The following PADI2 variants were observed in gnomAD, a reference collection of about 807,000 sequenced individuals.
PADI2 encodes the protein protein-arginine deiminase type-2.
In PADI2, 70 loss-of-function variants were observed where a neutral mutation model predicts 81.1. The observed-to-expected ratio is 0.86, with a 90% confidence interval of 0.71 to 1.05. The LOEUF is 1.05. Ranked by LOEUF, PADI2 falls within the 50% of genes least tolerant of loss-of-function variation. The probability of loss-of-function intolerance (pLI) is 0.00; values close to 1 mark genes in which losing one functional copy is unlikely to be tolerated. For synonymous variants in PADI2, 338 were observed against 358.0 expected, an observed-to-expected ratio of 0.94 and a Z score of 0.63; for missense variants, 853 against 889.9, an observed-to-expected ratio of 0.96 and a Z score of 0.53.
intron 13 of PADI2, among the ~76,000 whole-genome samples, chr1:17,074,490 C>A (rs1415490887): frequency 2.0e-5 from 3 of 152,188 alleles, no homozygotes; most frequent in Non-Finnish European, 1.5e-5. Context: ...TTTCTTCAGC[C>A]TCCAAAGGTG....
intron 1 of PADI2, among the ~76,000 whole-genome samples, chr1:17,107,001 C>T (rs558116303): frequency 6.6e-6 from 1 of 152,222 alleles, no homozygotes; most frequent in Admixed American, 6.5e-5. Context: ...GCCACCCTGT[C>T]CATGGTGTTT....
At chr1:17,103,500 T>A (rs1330343393) in intron 2 of PADI2, among the ~76,000 whole-genome samples, 3 of 152,170 alleles carry the variant, frequency 2.0e-5, no homozygotes, top group African/African-American at 7.2e-5. Context: ...CCTCACCACT[T>A]AGGCAAATCA....
At chr1:17,099,246 C>T (rs554150996) in intron 3 of PADI2, among the ~76,000 whole-genome samples, 2 of 152,168 alleles carry the variant, frequency 1.3e-5, no homozygotes, top group Non-Finnish European at 2.9e-5. Context: ...CACCCTCCCC[C>T]ACAGCCAATC....
At chr1:17,073,669 A>G (rs1476423990) in intron 13 of PADI2, among the ~76,000 whole-genome samples, 1 of 152,136 alleles carries the variant, frequency 6.6e-6, no homozygotes, top group Non-Finnish European at 1.5e-5. Context: ...TACTATGCTC[A>G]GTACCTGCGT....
chr1:17,084,969 A>C (rs2078374621), intron 7 of PADI2, among the ~76,000 whole-genome samples: 1 of 152,232 alleles, frequency 6.6e-6, no homozygotes. Flanking sequence ...CATGGTTGGT[A>C]AGTGGTAGAG....
rs377536760 is a variant in PADI2, at chr1:17,090,284, G to A, written c.655+2124C>T. On this transcript the variant is annotated intron_variant, in intron 6 of 15. Coordinates refer to ENST00000375486, the MANE Select transcript of PADI2 (RefSeq NM_007365.3). ...ATCCCCACCACGATCCGGGACACCC[G>A]GGACAGTCGGAACTCTTACTACTCC... is the stretch of plus-strand genomic sequence containing the variant. Among the ~76,000 whole-genome samples the A allele has an allele frequency of 1.4e-4, 21 of 152,334 alleles. No homozygotes were observed. In the East Asian group the frequency reaches 3.7e-3, roughly 27 times the overall value.
At chr1:17,103,962 A>C (rs112186764) in intron 2 of PADI2, among the ~76,000 whole-genome samples, 3,559 of 144,074 alleles carry the variant, frequency 0.025, 141 homozygotes, top group African/African-American at 0.083. Context: ...CCAGCCTGGG[A>C]GTCAGAGTGA....
In PADI2 at chr1:17,067,810, G is replaced by A. The variant is rs959077176; in HGVS notation, c.*1234C>T. On this transcript the variant is annotated 3_prime_UTR_variant, in exon 16 of 16. Transcript: ENST00000375486. The stretch of plus-strand genomic sequence containing the variant: ...TAAATTACATTATAACCTTTTCATT[G>A]GTTATAAATCGGTTCTTCAAAATGG... 1.3e-5 allele frequency: 2 copies of A among 152,274 alleles called. No individual in the cohort carries two copies. The highest frequency in any genetic ancestry group is 3.4e-3 in the Middle Eastern group (1 of 294). 9.4% of individuals were successfully genotyped at this position (152,274 alleles called of 1,614,324 possible). A position where few individuals can be genotyped will look rare whatever the true frequency, so the allele number is the denominator to read the frequency against.
Position 17,086,149 on chromosome 1 carries a change from G to A in PADI2, c.834+372C>T, listed in dbSNP as rs74056983. On this transcript the variant is annotated intron_variant, in intron 7 of 15. Transcript: ENST00000375486. Reference sequence around the variant, plus strand: ...GAGTGGGGCAGGAAGTACAGAGCGCGCAGTAGGTGGTCAGCAAACCCCACC... The same window carrying A: ...GAGTGGGGCAGGAAGTACAGAGCGCACAGTAGGTGGTCAGCAAACCCCACC... Among the ~76,000 whole-genome samples the A allele has an allele frequency of 5.1e-3, 783 of 152,328 alleles. 9 individuals carry two copies. The highest frequency in any genetic ancestry group is 0.018 in the African/African-American group (746 of 41,574).
At chr1:17,092,009 A>T (rs970392939) in intron 6 of PADI2, among the ~76,000 whole-genome samples, 6 of 152,142 alleles carry the variant, frequency 3.9e-5, no homozygotes, top group Non-Finnish European at 7.4e-5. Context: ...GCAAGGGGTC[A>T]ACTCTTCAAG....
At chr1:17,095,012 G>A (rs1930861202) in intron 4 of PADI2, among the ~76,000 whole-genome samples, 1 of 152,236 alleles carries the variant, frequency 6.6e-6, no homozygotes, top group Admixed American at 6.5e-5. Flanking sequence ...GTAGCAGGCT[G>A]CTAGGACCCA....
chr1:17,071,333 C>G lies in PADI2; in HGVS notation c.1635+73G>C, dbSNP rs147747127. ...GCCCTTGGCCATTCTCTACGGAAGC[C>G]CCAAGGATGTAAGGGCCTGAGCCTC... On this transcript the variant is annotated intron_variant, in intron 14 of 15. Transcript: ENST00000375486. 4.2e-4 allele frequency: 476 copies of G among 1,143,566 alleles called. No homozygotes were observed. The African/African-American group carries it at 6.4e-3, about 15-fold the overall frequency. The allele number at this position is 1,143,566 out of a possible 1,614,324, so 70.8% of individuals were successfully genotyped here.
chr1:17,105,634 T>G (rs1165073103), intron 1 of PADI2, among the ~76,000 whole-genome samples: 1 of 152,068 alleles, frequency 6.6e-6, no homozygotes, highest in African/African-American at 2.4e-5. Context: ...CCTCAGGTGA[T>G]CCGCCTGCCT....
intron 1 of PADI2, among the ~76,000 whole-genome samples, chr1:17,114,052 C>T (rs547464042): frequency 3.3e-5 from 5 of 152,358 alleles, no homozygotes; most frequent in African/African-American, 9.6e-5. Context: ...CAAGGCATCC[C>T]GTTTGGGGTT....
Position 17,083,804 on chromosome 1 carries a change from C to T in PADI2, c.972G>A (p.Val324=), listed in dbSNP as rs372968923. Residue 324 remains valine, a synonymous_variant, in exon 9 of 16, where the codon GTG becomes GTA. Transcript: ENST00000375486. ...AGTTGGTTTTCTCCACAAGGTTCTT[C>T]ACCTCTTTCAGGAACAGGTAATTAT... ...MKDNYLFLKE[V]KNLVEKTNCE... is the part of the protein sequence containing the mutation. 5 of 1,613,076 alleles carry T rather than the reference C, an allele frequency of 3.1e-6. No homozygotes were observed. In the East Asian group the frequency reaches 1.1e-4, roughly 36 times the overall value.
intron 6 of PADI2, among the ~76,000 whole-genome samples, chr1:17,088,709 C>G (rs1032400305): frequency 3.9e-5 from 6 of 151,930 alleles, no homozygotes; most frequent in African/African-American, 1.5e-4. Context: ...GAGTTTGAGA[C>G]AAGACTGGCC....
chr1:17,087,180 C>T (rs986655795), intron 6 of PADI2, among the ~76,000 whole-genome samples: 9 of 152,282 alleles, frequency 5.9e-5, no homozygotes, highest in Non-Finnish European at 1.3e-4. Flanking sequence ...CATAAATGTG[C>T]CCATTATACC....
intron 1 of PADI2, among the ~76,000 whole-genome samples, chr1:17,114,331 A>AG (rs574524414): frequency 2.0e-5 from 3 of 152,288 alleles, no homozygotes; most frequent in African/African-American, 7.2e-5. Context: ...CATTGACTCC[A>AG]GGGAGGATCA....
chr1:17,118,110 T>G (rs1415679817), intron 1 of PADI2, among the ~76,000 whole-genome samples: 1 of 152,106 alleles, frequency 6.6e-6, no homozygotes, highest in African/African-American at 2.4e-5. Context: ...GTGGGAGGGC[T>G]GCCAGGGCTG....
Sources: gnomAD v4.1 joint callset for allele counts (sites outside exome capture counted in the v4.1 genomes callset) on GRCh38, gnomAD v4.1.1 for gene constraint, MANE v1.5 for transcripts, NCBI Gene and HGNC (gene_info 2026-07-23, HGNC 2026-07-21) for gene names.